Variants in INPP5A observed in about 807,000 individuals in gnomAD.
INPP5A encodes the protein 43 kDa inositol polyphosphate 5-phophatase.
Under a neutral mutation model 65.2 loss-of-function variants are expected in INPP5A, and 14 were observed. The observed-to-expected ratio is 0.21, with a 90% CI of 0.14 to 0.34. INPP5A has a LOEUF of 0.34. Among genes scored for constraint, INPP5A ranks in the 10% least tolerant of loss-of-function variants. The pLI is 1.00. For synonymous variants in INPP5A, 207 were observed against 208.3 expected (o/e 0.99, Z 0.05); for missense variants, 431 against 545.6 (o/e 0.79, Z 2.09).
At chr10:132,607,092 G>T (rs1168453469) in intron 1 of INPP5A, among the ~76,000 whole-genome samples, 3 of 152,188 alleles carry the variant, frequency 2.0e-5, no homozygotes, top group Admixed American at 6.5e-5. Context: ...CCTCCTCTTG[G>T]GTTTGAATGG....
intron 4 of INPP5A, among the ~76,000 whole-genome samples, chr10:132,682,051 G>A (rs2073054251): frequency 1.3e-5 from 2 of 152,164 alleles, no homozygotes; most frequent in South Asian, 4.2e-4. Context: ...GGGAAGGGAA[G>A]AGCGGGAAGG....
intron 4 of INPP5A, among the ~76,000 whole-genome samples, chr10:132,662,965 C>T (rs1368588577): frequency 1.3e-5 from 2 of 152,184 alleles, no homozygotes; most frequent in Non-Finnish European, 2.9e-5. Flanking sequence ...GTGCCACTTA[C>T]ACGTACCTTA....
chr10:132,579,846 C>T (rs541716924), intron 1 of INPP5A, among the ~76,000 whole-genome samples: 2 of 151,994 alleles, frequency 1.3e-5, no homozygotes, highest in Non-Finnish European at 2.9e-5. Flanking sequence ...CCTGCCTCTC[C>T]GTGGCGCCTG....
At chr10:132,586,683 ATGGCGCTGC>A (rs1288558779) in intron 1 of INPP5A, among the ~76,000 whole-genome samples, 2 of 152,220 alleles carry the variant, frequency 1.3e-5, no homozygotes, top group Non-Finnish European at 2.9e-5. Context: ...CCTCGTGGTG[ATGGCGCTGC>A]TGGTGATTTT....
chr10:132,746,561 T>C (rs1846375229), intron 9 of INPP5A, among the ~76,000 whole-genome samples: 1 of 152,204 alleles, frequency 6.6e-6, no homozygotes, highest in South Asian at 2.1e-4. Context: ...CCAGGCAGCA[T>C]GCCTCCTTGG....
chr10:132,739,784 T>C (rs1846241493), intron 9 of INPP5A, among the ~76,000 whole-genome samples: 1 of 152,206 alleles, frequency 6.6e-6, no homozygotes, highest in Admixed American at 6.5e-5. Flanking sequence ...GTAGTGCTTG[T>C]GAGGCCCTCG....
At chr10:132,566,185 T>A (rs1220786580) in intron 1 of INPP5A, among the ~76,000 whole-genome samples, 1 of 152,206 alleles carries the variant, frequency 6.6e-6, no homozygotes, top group Non-Finnish European at 1.5e-5. Flanking sequence ...ATGCAAGGTA[T>A]GCATGATGAA....
chr10:132,730,446 G>A (rs547305590), intron 9 of INPP5A, among the ~76,000 whole-genome samples: 14 of 152,374 alleles, frequency 9.2e-5, no homozygotes, highest in African/African-American at 2.2e-4. Context: ...GACAGTTCAC[G>A]TCTGTCCCTC....
In INPP5A at chr10:132,688,308, T is replaced by C. The variant is rs187934000; in HGVS notation, c.307-2084T>C. Reference sequence around the variant, plus strand: ...GAGCAGCAGCCTCCTGACGCCCCAGTGTGGTGCACCTTCTTGCAGCCCTGC... The same window carrying C: ...GAGCAGCAGCCTCCTGACGCCCCAGCGTGGTGCACCTTCTTGCAGCCCTGC... On this transcript the variant is annotated intron_variant, in intron 4 of 15. Transcript: ENST00000368594. Among the ~76,000 whole-genome samples, 138 of 152,258 alleles carry C rather than the reference T, an allele frequency of 9.1e-4. 1 individual carries two copies. Among genetic ancestry groups the C allele is most frequent in the Admixed American group, 2.6e-3 (40 of 15,302 alleles).
In INPP5A at chr10:132,616,310, G is replaced by C. The variant is rs2072032396; in HGVS notation, c.117+8354G>C. Among the ~76,000 whole-genome samples the C allele has an allele frequency of 6.6e-6, 1 of 152,242 alleles. No homozygotes were observed. The highest frequency in any genetic ancestry group is 1.5e-5 in the Non-Finnish European group (1 of 68,042). On this transcript the variant is annotated intron_variant, in intron 2 of 15. Transcript: ENST00000368594. The surrounding 1 kb of genome is among the most constrained non-coding windows in gnomAD (Gnocchi z 4.9). Reference sequence around the variant, plus strand: ...AGGACCACAGTGGCAGATGTGCAGTGTGGGGCATGTGGCGTGCAGGGACGC... The same window carrying C: ...AGGACCACAGTGGCAGATGTGCAGTCTGGGGCATGTGGCGTGCAGGGACGC...
At chr10:132,722,492 G>C (rs1435697227) in intron 8 of INPP5A, among the ~76,000 whole-genome samples, 1 of 152,336 alleles carries the variant, frequency 6.6e-6, no homozygotes, top group Admixed American at 6.5e-5. Context: ...TCACCGTGGG[G>C]CCTCCCACGG....
At chr10:132,638,313 C>T (rs750791223) in intron 2 of INPP5A, among the ~76,000 whole-genome samples, 22 of 152,336 alleles carry the variant, frequency 1.4e-4, no homozygotes, top group Non-Finnish European at 2.4e-4. Flanking sequence ...TTCCAACCCA[C>T]GCTCGGATGT....
intron 12 of INPP5A, among the ~76,000 whole-genome samples, chr10:132,775,127 G>GAGAT (rs373401008): frequency 0.038 from 1,825 of 47,582 alleles, no homozygotes; most frequent in Non-Finnish European, 0.052. Context: ...GCAGGGAGGA[G>GAGAT]GGGCAGGGAG....
intron 2 of INPP5A, among the ~76,000 whole-genome samples, chr10:132,625,630 G>C (rs755516426): frequency 3.4e-4 from 51 of 152,162 alleles, no homozygotes; most frequent in Non-Finnish European, 6.5e-4. Context: ...TCTGCTGCAG[G>C]GGCAAGGGGT....
rs917756752 is a variant in INPP5A at position 132,762,333 on chromosome 10, G to A, written c.904-3440G>A. Among the ~76,000 whole-genome samples, 51 of 152,220 alleles carry A rather than the reference G, an allele frequency of 3.4e-4. No individual in the cohort carries two copies. Among genetic ancestry groups the A allele is most frequent in the African/African-American group, 1.1e-3 (45 of 41,456 alleles). ...AGTGAAACAGCGGAACATCAAAGAC[G>A]AAGAGAATATTTTTGAAGCATTGTG... On this transcript the variant is annotated intron_variant, in intron 11 of 15. Coordinates refer to ENST00000368594, the MANE Select transcript of INPP5A (RefSeq NM_005539.5). The surrounding 1 kb of genome is among the most constrained non-coding windows in gnomAD (Gnocchi z 4.6).
At position 132,720,405 on chromosome 10, in the gene INPP5A, C is replaced by T. The variant is rs866186741; in HGVS notation, c.648-6416C>T. On this transcript the variant is annotated intron_variant, in intron 8 of 15. Transcript: ENST00000368594. ...CTGGGCACCTTAGACGGCTGTCTTG[C>T]GGGTTCTGTGGTACCTGGGTTCTGT... 1.8e-3 allele frequency among the ~76,000 whole-genome samples: 166 copies of T among 90,002 alleles called. 2 individuals carry two copies. The highest frequency in any genetic ancestry group is 5.7e-3 in the South Asian group (16 of 2,822). The allele number at this position is 90,002 out of a possible 152,430, so 59.0% of individuals were successfully genotyped here.
chr10:132,779,419 C>T (rs1325919938), intron 13 of INPP5A, among the ~76,000 whole-genome samples: 4 of 152,372 alleles, frequency 2.6e-5, no homozygotes, highest in East Asian at 1.9e-4. Context: ...CGTCGGAGGT[C>T]ACGCGAGTGC....
intron 8 of INPP5A, among the ~76,000 whole-genome samples, chr10:132,716,601 C>T (rs1453399147): frequency 6.6e-6 from 1 of 152,198 alleles, no homozygotes; most frequent in Non-Finnish European, 1.5e-5. Flanking sequence ...CGTGTGTCTC[C>T]ACTCCCGCTG....
Position 132,609,365 on chromosome 10 carries a change from G to GT in INPP5A, c.117+1410dup, listed in dbSNP as rs1362142132. ...TGCTCTCATCATCTCTGTCCTTTAT[G>GT]TCAACCGCACGTCGGGGGCCAGTGG... On this transcript the variant is annotated intron_variant, in intron 2 of 15. Coordinates refer to ENST00000368594, the MANE Select transcript of INPP5A (RefSeq NM_005539.5). Among the ~76,000 whole-genome samples the GT allele has an allele frequency of 2.0e-5, 3 of 152,294 alleles. No homozygotes were observed. The East Asian group carries it at 5.8e-4, about 29-fold the overall frequency.
Sources: gnomAD v4.1 joint callset for allele counts (sites outside exome capture counted in the v4.1 genomes callset) on GRCh38, gnomAD v4.1.1 for gene constraint, Gnocchi (gnomAD v3.1) non-coding constraint, MANE v1.5 for transcripts, NCBI Gene and HGNC (gene_info 2026-07-23, HGNC 2026-07-21) for gene names.